The following ZNF274 variants were observed in gnomAD, a reference collection of about 807,000 sequenced individuals.
ZNF274 encodes neurotrophin receptor-interacting factor homolog.
In ZNF274, 23 loss-of-function variants were observed where a neutral mutation model predicts 42.5. The observed-to-expected ratio is 0.54, with a 90% CI of 0.39 to 0.77. The LOEUF (loss-of-function observed/expected upper bound fraction) is 0.77, where lower values mean the gene tolerates loss of function less well. Among genes scored for constraint, ZNF274 ranks in the 30% least tolerant of loss-of-function variants. The pLI, the probability that ZNF274 is intolerant of heterozygous loss-of-function variation, is 0.00. For missense variants in ZNF274, 679 were observed against 806.5 expected (o/e 0.84, Z 1.91); for synonymous variants, 292 against 305.4 (o/e 0.96, Z 0.46).
Position 58,185,055 on chromosome 19 carries a change from G to A in ZNF274, c.34-657G>A, listed in dbSNP as rs551963753. On this transcript the variant is annotated intron_variant, in intron 2 of 7. Transcript: ENST00000617501. The stretch of plus-strand genomic sequence containing the variant: ...GAATGGCGTGAACCGGGGAGGCGGA[G>A]CTTGCAGTGAGCCGAGATGGCGCCA... Among the ~76,000 whole-genome samples, 7 of 151,300 alleles carry A rather than the reference G, an allele frequency of 4.6e-5. No individual in the cohort carries two copies. In the South Asian group the frequency reaches 1.5e-3, roughly 32 times the overall value.
intron 4 of ZNF274, among the ~76,000 whole-genome samples, chr19:58,201,522 T>C (rs2146226472): frequency 6.6e-6 from 1 of 151,624 alleles, no homozygotes; most frequent in African/African-American, 2.4e-5. Context: ...TTCTTTTTTT[T>C]TTTTTTCTTT....
intron 6 of ZNF274, chr19:58,210,353 G>A (rs1325725483): frequency 1.7e-5 from 5 of 288,572 alleles, no homozygotes; most frequent in Non-Finnish European, 2.6e-5. Flanking sequence ...GACTTGAGAG[G>A]TGGAACTACC....
At chr19:58,202,158 T>TC (rs1396422067) in intron 4 of ZNF274, 2 of 152,210 alleles carry the variant, frequency 1.3e-5, no homozygotes, top group Admixed American at 6.5e-5. Context: ...TTCTGACTTT[T>TC]CCCCCACAAG....
At chr19:58,205,438 G>A (rs2075969600) in intron 4 of ZNF274, among the ~76,000 whole-genome samples, 1 of 152,082 alleles carries the variant, frequency 6.6e-6, no homozygotes, top group Admixed American at 6.6e-5. Flanking sequence ...TCAAATTATT[G>A]GGCCCAAGCA....
At position 58,208,850 on chromosome 19, in the gene ZNF274, A is replaced by T. The variant is rs2076006976; in HGVS notation, c.740-1111A>T. The T allele has an allele frequency of 6.6e-6, 1 of 152,220 alleles. No homozygotes were observed. Among genetic ancestry groups the T allele is most frequent in the Non-Finnish European group, 1.5e-5 (1 of 68,042 alleles). 9.4% of individuals were successfully genotyped at this position (152,220 alleles called of 1,614,324 possible). ...CAAGGAGACAGTTGTGGGGTTAATG[A>T]GGTGAAAGTCAGTGAATTCACCCTG... On this transcript the variant is annotated intron_variant, in intron 5 of 7. Coordinates refer to ENST00000617501, the MANE Select transcript of ZNF274 (RefSeq NM_133502.3). This position sits in a 1 kb window ranked among gnomAD's most constrained non-coding sequence, Gnocchi z 4.5.
At chr19:58,193,517 A>G (rs889020857) in intron 4 of ZNF274, among the ~76,000 whole-genome samples, 2 of 132,282 alleles carry the variant, frequency 1.5e-5, no homozygotes, top group African/African-American at 3.0e-5. Flanking sequence ...CAGTGGTGCA[A>G]TCTCGGCTCA....
chr19:58,188,694 G>GTATATGTATATATATA (rs1221412961), intron 4 of ZNF274, among the ~76,000 whole-genome samples: 5 of 74,654 alleles, frequency 6.7e-5, no homozygotes, highest in African/African-American at 2.7e-4. Flanking sequence ...ATATGTATAT[G>GTATATGTATATATATA]TATATATATA....
At chr19:58,184,519 G>T (rs1164876498) in intron 2 of ZNF274, 1 of 156,000 alleles carries the variant, frequency 6.4e-6, no homozygotes, top group African/African-American at 2.4e-5. Context: ...CACCATGTTG[G>T]CCAGGCTGGT....
At chr19:58,203,381 C>T (rs542531235) in intron 4 of ZNF274, among the ~76,000 whole-genome samples, 6 of 152,136 alleles carry the variant, frequency 3.9e-5, no homozygotes, top group African/African-American at 1.4e-4. Flanking sequence ...GTGAGGAGTT[C>T]GAGACCAGCC....
At position 58,212,021 on chromosome 19, in the gene ZNF274, A is replaced by G; in HGVS notation, c.980-140A>G. On this transcript the variant is annotated intron_variant, in intron 7 of 7. Coordinates refer to ENST00000617501, the MANE Select transcript of ZNF274 (RefSeq NM_133502.3). This position sits in a 1 kb window ranked among gnomAD's most constrained non-coding sequence, Gnocchi z 4.6. ...CCTCCCTGCCGCTTCATTGCTTTTC[A>G]GTCTCTCTCCAGGTTGCATGACTCT... is the stretch of plus-strand genomic sequence containing the variant. The G allele has an allele frequency of 1.9e-6, 2 of 1,033,646 alleles. No homozygotes were observed. The highest frequency in any genetic ancestry group is 2.8e-6 in the Non-Finnish European group (2 of 723,496). 64.0% of individuals were successfully genotyped at this position (1,033,646 alleles called of 1,614,324 possible). A position where few individuals can be genotyped will look rare whatever the true frequency, so the allele number is the denominator to read the frequency against.
chr19:58,197,283 A>G (rs2075855104), intron 4 of ZNF274, among the ~76,000 whole-genome samples: 1 of 152,210 alleles, frequency 6.6e-6, no homozygotes, highest in Admixed American at 6.5e-5. Flanking sequence ...CCTGTGAATG[A>G]AATCTGTGCA....
rs61745224 is a variant in ZNF274 at position 58,212,340 on chromosome 19, G to C, written c.1159G>C (p.Glu387Gln). 25,755 of 1,613,930 alleles carry C rather than the reference G, an allele frequency of 0.016. 264 individuals are homozygous for C. The highest frequency in any genetic ancestry group is 0.019 in the Non-Finnish European group (22,999 of 1,179,874). ...CCAAGACACAGTGTTGAAGCAGATGGAGTCTGCTCAGGAAAAAGACCTTCC... is the reference window on the plus strand; with the variant it reads ...CCAAGACACAGTGTTGAAGCAGATGCAGTCTGCTCAGGAAAAAGACCTTCC... The part of the protein sequence containing the change: ...EVQDTVLKQM[E>Q]SAQEKDLPQK... The change falls in exon 8 of 8, where the codon GAG becomes CAG. Residue 387 changes from glutamate (E) to glutamine (Q), a missense_variant. Glu to Gln is a conservative substitution (Grantham distance 29, BLOSUM62 2). Around this residue, in one of 2 missense-constraint regions of ZNF274, gnomAD observed 456 missense variants for 590.1 expected, o/e 0.77. Coordinates refer to ENST00000617501, the MANE Select transcript of ZNF274 (RefSeq NM_133502.3). This position sits in a 1 kb window ranked among gnomAD's most constrained non-coding sequence, Gnocchi z 4.6.
intron 4 of ZNF274, among the ~76,000 whole-genome samples, chr19:58,194,358 TTTTG>T (rs1198676268): frequency 1.3e-5 from 2 of 149,920 alleles, no homozygotes; most frequent in African/African-American, 4.9e-5. Context: ...GTTTTTTGTG[TTTTG>T]TTTTTTACCT....
chr19:58,207,240 G>A lies in ZNF274; in HGVS notation c.739+38G>A. On this transcript the variant is annotated intron_variant, in intron 5 of 7. Transcript: ENST00000617501. The surrounding 1 kb of genome is among the most constrained non-coding windows in gnomAD (Gnocchi z 5.6). ...GTGGGTAGAGGGACAGCTTAATGAG[G>A]GTGTCTTGGAGTACCCTGTGGGGGA... 1.9e-6 allele frequency: 3 copies of A among 1,571,236 alleles called. No homozygotes were observed. The highest frequency in any genetic ancestry group is 2.6e-6 in the Non-Finnish European group (3 of 1,158,412).
chr19:58,201,533 C>G (rs1265215887), intron 4 of ZNF274, among the ~76,000 whole-genome samples: 1 of 142,318 alleles, frequency 7.0e-6, no homozygotes, highest in Non-Finnish European at 1.5e-5. Flanking sequence ...TTTTTTCTTT[C>G]TGAGATGGAG....
Position 58,206,943 on chromosome 19 carries a change from G to A in ZNF274, c.480G>A (p.Ala160=), listed in dbSNP as rs770158334. 3.4e-5 allele frequency: 54 copies of A among 1,611,596 alleles called. No homozygotes were observed. The highest frequency in any genetic ancestry group is 3.3e-4 in the Middle Eastern group (2 of 6,084). Residue 160 remains alanine (A), a synonymous_variant, in exon 5 of 8, where the codon GCG becomes GCA. Coordinates refer to ENST00000617501, the MANE Select transcript of ZNF274 (RefSeq NM_133502.3). ...QGKHPGDPEA[A]RQRFRQFRYK... is the part of the protein sequence containing the mutation. ...AGCATCCAGGTGACCCTGAGGCCGC[G>A]CGCCAGAGGTTCCGGCAGTTCCGTT...
chr19:58,187,782 G>C (rs2052446993), intron 4 of ZNF274, among the ~76,000 whole-genome samples: 1 of 152,156 alleles, frequency 6.6e-6, no homozygotes, highest in African/African-American at 2.4e-5. Context: ...CTGGAGTGCA[G>C]TGGTGTGATC....
At chr19:58,188,696 A>ATATGTATATG (rs1189748259) in intron 4 of ZNF274, among the ~76,000 whole-genome samples, 52 of 46,324 alleles carry the variant, frequency 1.1e-3, no homozygotes, top group African/African-American at 2.6e-3. Context: ...ATGTATATGT[A>ATATGTATATG]TATATATATA....
intron 2 of ZNF274, 183 bp from the exon 3 acceptor site, chr19:58,185,529 G>A (rs988599166): frequency 4.8e-6 from 2 of 415,662 alleles, no homozygotes; most frequent in Non-Finnish European, 8.5e-6. Flanking sequence ...AACCTGAATA[G>A]AGTCAAGCTT....
Sources: allele counts gnomAD v4.1 joint callset (sites outside exome capture counted in the v4.1 genomes callset), GRCh38; gene constraint gnomAD v4.1.1; regional missense constraint gnomAD v4.1.1; non-coding constraint Gnocchi (gnomAD v3.1); transcripts MANE v1.5; gene names NCBI Gene and HGNC (gene_info 2026-07-23, HGNC 2026-07-21).